Variants in TMPO observed in about 807,000 individuals in gnomAD.
The protein encoded by TMPO is thymopoietin, also known as LEM domain containing 4.
In TMPO, 22 loss-of-function variants were observed where a neutral mutation model predicts 45.4. That is an observed-to-expected ratio of 0.48 (90% CI 0.35 to 0.69). The LOEUF (loss-of-function observed/expected upper bound fraction) is 0.69. TMPO is among the 30% of genes least tolerant of loss of function. The probability of loss-of-function intolerance (pLI) is 0.01; values close to 1 mark genes in which losing one functional copy is unlikely to be tolerated. For synonymous variants in TMPO, 241 were observed against 204.1 expected (o/e 1.18, Z -1.54); for missense variants, 512 against 548.8 (o/e 0.93, Z 0.67).
At chr12:98,533,853 A>G (rs1877382289) in intron 3 of TMPO, 6 of 1,614,262 alleles carry the variant, frequency 3.7e-6, no homozygotes, top group Non-Finnish European at 4.2e-6. Context: ...AGATATTATC[A>G]GTTCCAAAAG....
At chr12:98,545,125 GTTTGTTTT>G in intron 7 of TMPO, 64 bp downstream of exon 7, 2 of 542,530 alleles carry the variant, frequency 3.7e-6, no homozygotes, top group Non-Finnish European at 5.8e-6. Flanking sequence ...ATAAATATTT[GTTTGTTTT>G]TTTTTTTTTT....
Position 98,527,895 on chromosome 12 carries a change from A to G in TMPO, c.289A>G (p.Lys97Glu), listed in dbSNP as rs778356103. 2.5e-6 allele frequency: 4 copies of G among 1,613,758 alleles called. No homozygotes were observed. The highest frequency in any genetic ancestry group is 3.4e-6 in the Non-Finnish European group (4 of 1,179,908). ...SRAAVGRKATKKTDKPRQEDK... is the reference protein window; with the variant it reads ...SRAAVGRKATEKTDKPRQEDK... ...TGGACTTTGTTTACAGAAAGCCACA[A>G]AAAAAACTGATAAACCCAGACAAGA... is the stretch of plus-strand genomic sequence containing the variant. The change falls in exon 2 of 9, where the codon AAA (lysine) becomes GAA (glutamate). Residue 97 changes from lysine (K) to glutamate (E), a missense_variant. This residue lies in a region of TMPO where 299 missense variants were observed against 296.7 expected (regional missense o/e 1.01). Coordinates refer to ENST00000556029, the MANE Select transcript of TMPO (RefSeq NM_001032283.3).
rs1878297116 is a variant in TMPO, at chr12:98,547,512, T to C, written c.1080-61T>C. Reference sequence around the variant, plus strand: ...GGAGTGGCAATGACATTTTATGTTATTTCTCTAAATCATGCCTTTATCTAA... The same window carrying C: ...GGAGTGGCAATGACATTTTATGTTACTTCTCTAAATCATGCCTTTATCTAA... On this transcript the variant is annotated intron_variant, in intron 8 of 8. Coordinates refer to ENST00000556029, the MANE Select transcript of TMPO (RefSeq NM_001032283.3). The C allele has an allele frequency of 4.4e-6, 7 of 1,599,614 alleles. No individual in the cohort carries two copies. In the Middle Eastern group the frequency reaches 6.6e-4, roughly 152 times the overall value.
chr12:98,544,638 G>GTTTT (rs34340378), intron 6 of TMPO, 101 bp downstream of exon 6: 50 of 763,566 alleles, frequency 6.5e-5, no homozygotes, highest in South Asian at 3.9e-4. Context: ...AAATTTACAT[G>GTTTT]TTTTTTTTTT....
intron 1 of TMPO, chr12:98,516,496 G>C (rs1359738448): frequency 9.2e-7 from 1 of 1,092,228 alleles, no homozygotes; most frequent in East Asian, 5.6e-5. Flanking sequence ...AGCTCTGGAG[G>C]GGTGGCCCCA....
At chr12:98,531,614 A>G (rs1877196715) in intron 2 of TMPO, 66 bp from the exon 3 acceptor site, 4 of 1,488,794 alleles carry the variant, frequency 2.7e-6, no homozygotes, top group Admixed American at 1.7e-5. Flanking sequence ...GTTGCTGAAG[A>G]TAGTGTCTGA....
In TMPO at chr12:98,548,250, T is replaced by G. The variant is rs1054803631; in HGVS notation, c.*392T>G. On this transcript the variant is annotated 3_prime_UTR_variant, in exon 9 of 9. Coordinates refer to ENST00000556029, the MANE Select transcript of TMPO (RefSeq NM_001032283.3). ...TACTTAGAATTCTTACAGAAAAGAT[T>G]TTAAGAATTATTCTCTGCTGAATAA... The G allele has an allele frequency of 1.8e-5, 3 of 162,202 alleles. No individual in the cohort carries two copies. The highest frequency in any genetic ancestry group is 4.8e-5 in the African/African-American group (2 of 41,542). 10.0% of individuals were successfully genotyped at this position (162,202 alleles called of 1,614,324 possible).
In TMPO at chr12:98,536,387, C is replaced by T. The variant is rs1257219867; in HGVS notation, c.566-1088C>T. 2.0e-5 allele frequency among the ~76,000 whole-genome samples: 3 copies of T among 151,080 alleles called. No individual in the cohort carries two copies. The East Asian group carries it at 5.8e-4, about 29-fold the overall frequency. ...TTTTTTTTTGAAATGAAGTTTCGCT[C>T]TTGTCCCCAAAGCTGGAGTGCAATG... On this transcript the variant is annotated intron_variant, in intron 3 of 8. Transcript: ENST00000556029.
At chr12:98,519,004 C>T (rs1199288385) in intron 1 of TMPO, among the ~76,000 whole-genome samples, 1 of 151,976 alleles carries the variant, frequency 6.6e-6, no homozygotes, top group Admixed American at 6.6e-5. Context: ...GCCTCCGCCT[C>T]CCGAGTAGCT....
intron 1 of TMPO, among the ~76,000 whole-genome samples, chr12:98,519,727 G>A (rs1876185362): frequency 6.6e-6 from 1 of 152,106 alleles, no homozygotes; most frequent in Non-Finnish European, 1.5e-5. Flanking sequence ...GTCATTTTCT[G>A]TTTTAAAGTA....
chr12:98,527,812 A>C (rs142106064), intron 1 of TMPO, 74 bp from the exon 2 acceptor site: 11 of 1,569,154 alleles, frequency 7.0e-6, no homozygotes, highest in Non-Finnish European at 9.6e-6. Context: ...TTGCATGTTT[A>C]TGTTATACAG....
At chr12:98,542,427 G>A (rs1332177512) in intron 4 of TMPO, among the ~76,000 whole-genome samples, 2 of 148,252 alleles carry the variant, frequency 1.3e-5, no homozygotes, top group African/African-American at 5.0e-5. Context: ...TGATTTAATT[G>A]GTTATGGTAG....
chr12:98,544,032 T>C (rs1878073984), intron 4 of TMPO, among the ~76,000 whole-genome samples, 198 bp from the exon 5 acceptor site: 1 of 152,222 alleles, frequency 6.6e-6, no homozygotes. Flanking sequence ...TAGTGTATTT[T>C]AGCACTTTTT....
chr12:98,518,203 A>G (rs1395662949), intron 1 of TMPO, among the ~76,000 whole-genome samples: 2 of 152,086 alleles, frequency 1.3e-5, no homozygotes, highest in Non-Finnish European at 2.9e-5. Flanking sequence ...CACACTTTAT[A>G]AAAAACCTAA....
At chr12:98,518,424 C>G (rs1036887405) in intron 1 of TMPO, among the ~76,000 whole-genome samples, 4 of 148,762 alleles carry the variant, frequency 2.7e-5, no homozygotes, top group African/African-American at 1.0e-4. Context: ...CCCTGAGTAG[C>G]AAGGGCAACG....
At chr12:98,532,774 G>C (rs1877285306) in intron 3 of TMPO, 1 of 1,613,696 alleles carries the variant, frequency 6.2e-7, no homozygotes, top group South Asian at 1.1e-5. Flanking sequence ...AATAAAATCA[G>C]CTCAAACACA....
In TMPO at chr12:98,545,125, G is replaced by GTTT. The variant is rs573744306; in HGVS notation, c.990+65_990+67dup. On this transcript the variant is annotated intron_variant, in intron 7 of 8. Coordinates refer to ENST00000556029, the MANE Select transcript of TMPO (RefSeq NM_001032283.3). ...TTTCAAAGAGGAAATATAAATATTTGTTTGTTTTTTTTTTTTTTTTTTGGA... is the reference window on the plus strand; with the variant it reads ...TTTCAAAGAGGAAATATAAATATTTGTTTTTTGTTTTTTTTTTTTTTTTTTGGA... 2.4e-3 allele frequency: 1,327 copies of GTTT among 541,788 alleles called. 3 individuals are homozygous for GTTT. Among genetic ancestry groups the GTTT allele is most frequent in the African/African-American group, 7.5e-3 (294 of 39,132 alleles). 33.6% of individuals were successfully genotyped at this position (541,788 alleles called of 1,614,324 possible).
At chr12:98,529,467 C>T (rs1395818870) in intron 2 of TMPO, among the ~76,000 whole-genome samples, 6 of 152,186 alleles carry the variant, frequency 3.9e-5, no homozygotes, top group Middle Eastern at 6.8e-3. Flanking sequence ...GGATTTCCAT[C>T]GTTGGATTAC....
At chr12:98,533,262 T>C in intron 3 of TMPO, 1 of 1,613,906 alleles carries the variant, frequency 6.2e-7, no homozygotes, top group Non-Finnish European at 8.5e-7. Flanking sequence ...GAGAGAAAAG[T>C]GGAATTCAAC....
Sources: gnomAD v4.1 joint callset for allele counts (sites outside exome capture counted in the v4.1 genomes callset) on GRCh38, gnomAD v4.1.1 for gene constraint, gnomAD v4.1.1 regional missense constraint, MANE v1.5 for transcripts, NCBI Gene and HGNC (gene_info 2026-07-23, HGNC 2026-07-21) for gene names.